Variants in ZNF385D observed in about 807,000 individuals in gnomAD.
ZNF385D encodes the protein zinc finger protein 659.
In ZNF385D, 15 loss-of-function variants were observed where a neutral mutation model predicts 35.8. The observed-to-expected ratio is 0.42, with a 90% CI of 0.28 to 0.64. ZNF385D has a LOEUF of 0.64. Among genes scored for constraint, ZNF385D ranks in the 30% least tolerant of loss-of-function variants. The probability of loss-of-function intolerance (pLI) is 0.23; values close to 1 mark genes in which losing one functional copy is unlikely to be tolerated. For synonymous variants in ZNF385D, 212 were observed against 186.8 expected (o/e 1.13, Z -1.10); for missense variants, 474 against 494.6 (o/e 0.96, Z 0.39).
chr3:21,943,254 T>G (rs1023387679), intron 3 of ZNF385D, among the ~76,000 whole-genome samples: 1 of 151,844 alleles, frequency 6.6e-6, no homozygotes, highest in Non-Finnish European at 1.5e-5. Context: ...AATGGATATA[T>G]TCACTGACTC....
chr3:21,567,407 A>AAATT (rs962244566), intron 2 of ZNF385D, among the ~76,000 whole-genome samples: 2 of 152,114 alleles, frequency 1.3e-5, no homozygotes, highest in East Asian at 1.9e-4. Context: ...CCCAGAACCA[A>AAATT]AATTAACAAT....
At chr3:21,976,722 G>A (rs1217754718) in intron 3 of ZNF385D, among the ~76,000 whole-genome samples, 5 of 152,214 alleles carry the variant, frequency 3.3e-5, no homozygotes, top group African/African-American at 9.6e-5. Flanking sequence ...AGCTGGGCAG[G>A]TGTCTCACGC....
In ZNF385D at chr3:21,550,629, C is replaced by T. The variant is rs550705795; in HGVS notation, c.276+13945G>A. 7.1e-4 allele frequency among the ~76,000 whole-genome samples: 108 copies of T among 152,212 alleles called. 1 individual carries two copies. The South Asian group carries it at 0.019, about 27-fold the overall frequency. On this transcript the variant is annotated intron_variant, in intron 3 of 7. Transcript: ENST00000281523. Reference sequence around the variant, plus strand: ...TCCTTAGTAGCTGGGATTGCAGGCGCGTGCCACCATGCCCAACTAATTTTT... The same window carrying T: ...TCCTTAGTAGCTGGGATTGCAGGCGTGTGCCACCATGCCCAACTAATTTTT...
At chr3:21,879,508 C>T (rs1344067908) in intron 3 of ZNF385D, among the ~76,000 whole-genome samples, 2 of 151,908 alleles carry the variant, frequency 1.3e-5, no homozygotes, top group Admixed American at 1.3e-4. Flanking sequence ...TGTGTATTAG[C>T]TGATCTGCTG....
intron 1 of ZNF385D, among the ~76,000 whole-genome samples, chr3:21,688,067 A>G (rs2125334188): frequency 6.6e-6 from 1 of 152,120 alleles, no homozygotes; most frequent in Non-Finnish European, 1.5e-5. Flanking sequence ...TTTAAACATC[A>G]TGGTAACTTC....
At chr3:21,741,323 G>A (rs963717529) in intron 1 of ZNF385D, among the ~76,000 whole-genome samples, 4 of 152,092 alleles carry the variant, frequency 2.6e-5, no homozygotes, top group Non-Finnish European at 5.9e-5. Context: ...TCTTTTAAAG[G>A]AAAAAAATTA....
chr3:22,067,918 C>T (rs1048269004), intron 3 of ZNF385D, among the ~76,000 whole-genome samples: 3 of 151,568 alleles, frequency 2.0e-5, no homozygotes, highest in Non-Finnish European at 2.9e-5. Context: ...GAGGCTGAGG[C>T]GGGAGAATTG....
chr3:22,291,666 T>G (rs1702309238), intron 2 of ZNF385D, among the ~76,000 whole-genome samples: 1 of 152,026 alleles, frequency 6.6e-6, no homozygotes, highest in Admixed American at 6.6e-5. Flanking sequence ...CTTCTAGACT[T>G]GTTTTAAATA....
At chr3:21,890,043 T>C (rs1698768684) in intron 3 of ZNF385D, among the ~76,000 whole-genome samples, 2 of 152,298 alleles carry the variant, frequency 1.3e-5, no homozygotes, top group Admixed American at 1.3e-4. Context: ...TTTAACTTGA[T>C]TACCACTTTA....
At chr3:21,760,064 G>T (rs1332412897) in intron 3 of ZNF385D, among the ~76,000 whole-genome samples, 1 of 152,110 alleles carries the variant, frequency 6.6e-6, no homozygotes, top group Non-Finnish European at 1.5e-5. Flanking sequence ...AGTGTGTAAT[G>T]GGAAAACAAA....
intron 2 of ZNF385D, among the ~76,000 whole-genome samples, chr3:22,316,842 T>A (rs543099750): frequency 6.6e-6 from 1 of 152,274 alleles, no homozygotes; most frequent in East Asian, 1.9e-4. Flanking sequence ...AGACTGGCAT[T>A]TTGACATGCT....
intron 3 of ZNF385D, among the ~76,000 whole-genome samples, chr3:21,947,185 T>G (rs554302050): frequency 2.0e-5 from 3 of 152,192 alleles, no homozygotes; most frequent in Non-Finnish European, 4.4e-5. Context: ...ATATTTTACT[T>G]ACAACTCCAC....
intron 2 of ZNF385D, among the ~76,000 whole-genome samples, chr3:22,332,653 T>A (rs1193255860): frequency 6.6e-6 from 1 of 152,130 alleles, no homozygotes; most frequent in Non-Finnish European, 1.5e-5. Flanking sequence ...TTAATTTATT[T>A]TGCAGATTAT....
intron 2 of ZNF385D, among the ~76,000 whole-genome samples, chr3:22,301,241 G>T (rs922427601): frequency 1.3e-5 from 2 of 151,980 alleles, no homozygotes; most frequent in East Asian, 1.9e-4. Context: ...TGGACTCACA[G>T]AAACAAAGAG....
At chr3:21,701,128 C>T (rs1044953671) in intron 1 of ZNF385D, among the ~76,000 whole-genome samples, 2 of 152,168 alleles carry the variant, frequency 1.3e-5, no homozygotes, top group Admixed American at 1.3e-4. Flanking sequence ...TGACCCTCTA[C>T]CAAACCTTCT....
chr3:22,201,271 G>C (rs994046166), intron 2 of ZNF385D, among the ~76,000 whole-genome samples: 9 of 152,020 alleles, frequency 5.9e-5, no homozygotes, highest in Non-Finnish European at 1.0e-4. Context: ...CCTTCATTTG[G>C]GGTCCCTGAC....
chr3:21,815,764 G>A (rs2073120048), intron 3 of ZNF385D, among the ~76,000 whole-genome samples: 1 of 152,058 alleles, frequency 6.6e-6, no homozygotes, highest in African/African-American at 2.4e-5. Flanking sequence ...AAGCGGAGCT[G>A]GTACCATTCC....
chr3:22,298,014 TG>T (rs1702685698), intron 2 of ZNF385D, among the ~76,000 whole-genome samples: 1 of 152,078 alleles, frequency 6.6e-6, no homozygotes, highest in Non-Finnish European at 1.5e-5. Context: ...CTGATCAATT[TG>T]GGGGAATATA....
rs566364209 is a variant in ZNF385D, at chr3:21,763,958, T to C, written c.326-98930A>G. On this transcript the variant is annotated intron_variant, in intron 3 of 5. Coordinates refer to the ZNF385D transcript ENST00000494108. ...ATACTGGAGTAACTAAGACAGATTT[T>C]TGGCCTCCTGGAGCTTACAGTTTCC... Among the ~76,000 whole-genome samples, 3 of 152,270 alleles carry C rather than the reference T, an allele frequency of 2.0e-5. No individual in the cohort carries two copies. In the South Asian group the frequency reaches 6.2e-4, roughly 32 times the overall value.
Sources: allele counts gnomAD v4.1 joint callset (sites outside exome capture counted in the v4.1 genomes callset), GRCh38; gene constraint gnomAD v4.1.1; transcripts MANE v1.5; gene names NCBI Gene and HGNC (gene_info 2026-07-23, HGNC 2026-07-21).